MAP3K9: variants seen among roughly 807,000 people sequenced by gnomAD.
The protein encoded by MAP3K9 is mixed lineage kinase 1 (tyr and ser/thr specificity).
A neutral mutation model predicts 95.8 loss-of-function variants in MAP3K9; 46 were observed. The ratio of observed to expected loss-of-function variants is 0.48; its 90% confidence interval spans 0.38 to 0.61. The LOEUF (loss-of-function observed/expected upper bound fraction) is 0.61. MAP3K9 is among the 20% of genes least tolerant of loss of function. The pLI is 0.00. For synonymous variants in MAP3K9, 533 were observed against 593.8 expected (o/e 0.90, Z 1.49); for missense variants, 1,296 against 1,474.3 (o/e 0.88, Z 1.98).
At chr14:70,744,734 A>G (rs1016113164) in intron 5 of MAP3K9, among the ~76,000 whole-genome samples, 2 of 152,172 alleles carry the variant, frequency 1.3e-5, no homozygotes, top group African/African-American at 2.4e-5. Flanking sequence ...AGCACAGGAG[A>G]TGTCACCCCA....
At chr14:70,797,655 T>C (rs2054879191) in intron 2 of MAP3K9, among the ~76,000 whole-genome samples, 1 of 152,078 alleles carries the variant, frequency 6.6e-6, no homozygotes, top group African/African-American at 2.4e-5. Context: ...GGAGAATTAC[T>C]TGAACCTGGG....
intron 9 of MAP3K9, 101 bp downstream of exon 9, chr14:70,735,860 C>A: frequency 1.1e-6 from 1 of 933,424 alleles, no homozygotes; most frequent in Non-Finnish European, 1.8e-6. Flanking sequence ...TCAGCCCTGG[C>A]AATAACGAGG....
intron 2 of MAP3K9, among the ~76,000 whole-genome samples, chr14:70,770,568 C>T (rs1046174952): frequency 4.6e-5 from 7 of 152,068 alleles, no homozygotes; most frequent in South Asian, 2.1e-4. Flanking sequence ...ATATAAAATG[C>T]GTCTATCCAT....
chr14:70,799,569 G>T (rs2054906082), intron 2 of MAP3K9, among the ~76,000 whole-genome samples: 1 of 151,768 alleles, frequency 6.6e-6, no homozygotes, highest in Admixed American at 6.6e-5. Flanking sequence ...TCGATCTCCT[G>T]ACCTCATGAT....
intron 3 of MAP3K9, among the ~76,000 whole-genome samples, chr14:70,750,955 C>A (rs1016307246): frequency 1.9e-4 from 29 of 152,168 alleles, no homozygotes; most frequent in African/African-American, 5.3e-4. Flanking sequence ...AGAGTGCTAA[C>A]CACTCAAAGC....
chr14:70,736,779 C>CA (rs1189526642), intron 8 of MAP3K9, among the ~76,000 whole-genome samples: 1 of 152,212 alleles, frequency 6.6e-6, no homozygotes, highest in East Asian at 1.9e-4. Flanking sequence ...AAGAATCTGC[C>CA]ATCCCCCAAG....
In MAP3K9 at chr14:70,742,348, G is replaced by C; in HGVS notation, c.1567+3C>G. 6.2e-7 allele frequency: 1 copy of C among 1,613,602 alleles called. No individual in the cohort carries two copies. The highest frequency in any genetic ancestry group is 1.1e-5 in the South Asian group (1 of 91,002). ...ACTTCCCAGCCAGTCCCCGGCCACT[G>C]ACCAGAAGGGAGGCTGATGCGGTTG... On this transcript the variant is annotated splice_donor_region_variant and intron_variant, in intron 6 of 11. Coordinates refer to ENST00000554752, the MANE Select transcript of MAP3K9 (RefSeq NM_001284230.2).
In MAP3K9 at chr14:70,796,874, T is replaced by G. The variant is rs147132874; in HGVS notation, c.820+3793A>C. ...ACAATATGGAGCTGCCCTAAAATCC[T>G]CCGGGCTTCTTTTCAAAGACAAGTC... On this transcript the variant is annotated intron_variant, in intron 2 of 11. Transcript: ENST00000554752. 2.2e-3 allele frequency among the ~76,000 whole-genome samples: 333 copies of G among 152,254 alleles called. 1 individual carries two copies. The highest frequency in any genetic ancestry group is 7.6e-3 in the African/African-American group (315 of 41,534).
intron 3 of MAP3K9, chr14:70,752,792 T>C (rs2139761495): frequency 6.6e-6 from 1 of 152,314 alleles, no homozygotes; most frequent in African/African-American, 2.4e-5. Context: ...CTGCATCCCT[T>C]CTGTGACAGT....
Position 70,742,510 on chromosome 14 carries a change from G to T in MAP3K9, c.1408C>A (p.Gln470Lys). Residue 470 changes from glutamine (Q) to lysine (K), a missense_variant, in exon 6 of 12, where the codon CAG (glutamine) becomes AAG (lysine). This residue lies in a region of MAP3K9 where 377 missense variants were observed against 417.1 expected (regional missense o/e 0.90). Coordinates refer to ENST00000554752, the MANE Select transcript of MAP3K9 (RefSeq NM_001284230.2). ...NQEELLRRRE[Q>K]ELAEREIDIL... ...TCAATCTCCCGCTCGGCCAGCTCCT[G>T]CTCCCGACGCCGCAGCAGTTCCTCC... 6.2e-7 allele frequency: 1 copy of T among 1,614,196 alleles called. No homozygotes were observed. The highest frequency in any genetic ancestry group is 1.6e-4 in the Middle Eastern group (1 of 6,062).
intron 2 of MAP3K9, among the ~76,000 whole-genome samples, chr14:70,775,167 TTAA>T (rs2054581630): frequency 6.6e-6 from 1 of 152,084 alleles, no homozygotes; most frequent in South Asian, 2.1e-4. Flanking sequence ...CATAAATTAT[TTAA>T]TAATAATAGC....
intron 2 of MAP3K9, chr14:70,783,151 G>A: frequency 2.2e-6 from 1 of 454,574 alleles, no homozygotes; most frequent in Non-Finnish European, 2.9e-6. Flanking sequence ...CAAAATGCTT[G>A]TAAGAAACCT....
intron 7 of MAP3K9, among the ~76,000 whole-genome samples, chr14:70,739,534 G>A (rs1415393489): frequency 1.3e-5 from 2 of 148,696 alleles, no homozygotes; most frequent in Admixed American, 1.3e-4. Context: ...ACACTTACAT[G>A]TATGTGTGAG....
intron 2 of MAP3K9, among the ~76,000 whole-genome samples, chr14:70,776,804 T>A (rs1201777380): frequency 1.3e-5 from 2 of 149,644 alleles, no homozygotes; most frequent in Non-Finnish European, 3.0e-5. Flanking sequence ...ATAAAAACTA[T>A]GAAACACCCT....
In MAP3K9 at chr14:70,742,610, C is replaced by A. The variant is rs142427784; in HGVS notation, c.1327-19G>T. ...GAAGTTCCTGCAGGATGGGCAGAACCATCAGAGAAAAGACTGGGGTGCTCA... is the reference window on the plus strand; with the variant it reads ...GAAGTTCCTGCAGGATGGGCAGAACAATCAGAGAAAAGACTGGGGTGCTCA... On this transcript the variant is annotated intron_variant, in intron 5 of 11. Coordinates refer to ENST00000554752, the MANE Select transcript of MAP3K9 (RefSeq NM_001284230.2). The A allele has an allele frequency of 1.1e-5, 17 of 1,611,472 alleles. No individual in the cohort carries two copies. Among genetic ancestry groups the A allele is most frequent in the Non-Finnish European group, 1.4e-5 (16 of 1,178,678 alleles).
chr14:70,786,090 G>A (rs2139835696), intron 2 of MAP3K9, among the ~76,000 whole-genome samples: 1 of 152,250 alleles, frequency 6.6e-6, no homozygotes. Flanking sequence ...ATAATCTTAA[G>A]TCATCTGAAG....
chr14:70,784,158 CT>C, intron 2 of MAP3K9, among the ~76,000 whole-genome samples: 1 of 152,154 alleles, frequency 6.6e-6, no homozygotes, highest in African/African-American at 2.4e-5. Context: ...TGGTGCATGC[CT>C]GTAATCCCAG....
chr14:70,732,524 A>T lies in MAP3K9; in HGVS notation c.2830+15T>A, dbSNP rs532339726. 101 of 1,525,290 alleles carry T rather than the reference A, an allele frequency of 6.6e-5. No individual in the cohort carries two copies. The highest frequency in any genetic ancestry group is 1.1e-4 in the Admixed American group (5 of 45,084). 94.5% of individuals were successfully genotyped at this position (1,525,290 alleles called of 1,614,324 possible). On this transcript the variant is annotated intron_variant, in intron 11 of 11. Coordinates refer to ENST00000554752, the MANE Select transcript of MAP3K9 (RefSeq NM_001284230.2). ...GGCACAAAGAAAGGAAAGAGAAAAG[A>T]GGAAGAAGACTCACCTGCTCCAGGA...
chr14:70,731,311 T>G (rs1211946764), intron 11 of MAP3K9, among the ~76,000 whole-genome samples: 1 of 152,034 alleles, frequency 6.6e-6, no homozygotes, highest in African/African-American at 2.4e-5. Flanking sequence ...TAGCCAGGCA[T>G]GATGGTCCAT....
Sources: gnomAD v4.1 joint callset for allele counts (sites outside exome capture counted in the v4.1 genomes callset) on GRCh38, gnomAD v4.1.1 for gene constraint, gnomAD v4.1.1 regional missense constraint, MANE v1.5 for transcripts, NCBI Gene and HGNC (gene_info 2026-07-23, HGNC 2026-07-21) for gene names.